The following RRH variants were observed in gnomAD, a reference collection of about 807,000 sequenced individuals.
RRH encodes visual pigment-like receptor peropsin.
RRH carries 36 observed loss-of-function variants against 33.1 expected under a neutral mutation model. The observed-to-expected ratio is 1.09, with a 90% CI of 0.83 to 1.44. The LOEUF (loss-of-function observed/expected upper bound fraction) is 1.44, where lower values mean the gene tolerates loss of function less well. Ranked by LOEUF, RRH falls within the 40% of genes most tolerant of loss-of-function variation. The pLI, the probability that RRH is intolerant of heterozygous loss-of-function variation, is 0.00. For synonymous variants in RRH, 124 were observed against 140.2 expected (o/e 0.88, Z 0.82); for missense variants, 393 against 420.2 (o/e 0.94, Z 0.57).
intron 1 of RRH, 105 bp downstream of exon 1, chr4:109,828,238 C>A (rs1012486659): frequency 5.4e-6 from 4 of 741,258 alleles, no homozygotes; most frequent in East Asian, 2.7e-5. Context: ...ATTGGCCAAC[C>A]TTGACAAGTC....
At chr4:109,829,514 T>C (rs888873620) in intron 1 of RRH, among the ~76,000 whole-genome samples, 4 of 152,104 alleles carry the variant, frequency 2.6e-5, no homozygotes, top group South Asian at 4.1e-4. Context: ...TTCTTATCTC[T>C]GTAACAGTAA....
At chr4:109,834,369 G>A (rs1247263723) in intron 2 of RRH, among the ~76,000 whole-genome samples, 1 of 138,586 alleles carries the variant, frequency 7.2e-6, no homozygotes, top group African/African-American at 2.7e-5. Context: ...ACGCTCCGTT[G>A]CCCAGGCTGG....
chr4:109,833,417 T>C (rs535729502), intron 2 of RRH, 88 bp downstream of exon 2: 3 of 1,041,400 alleles, frequency 2.9e-6, no homozygotes, highest in East Asian at 2.6e-5. Context: ...AGAGTTTAAA[T>C]TGAATATTGT....
intron 2 of RRH, 99 bp from the exon 3 acceptor site, chr4:109,835,267 C>T: frequency 2.6e-6 from 2 of 769,978 alleles, no homozygotes; most frequent in South Asian, 2.9e-5. Flanking sequence ...AGTAAAAAAC[C>T]TTTAGTATAT....
At chr4:109,829,708 A>G (rs1733709261) in intron 1 of RRH, among the ~76,000 whole-genome samples, 1 of 152,154 alleles carries the variant, frequency 6.6e-6, no homozygotes, top group African/African-American at 2.4e-5. Context: ...CTTGTCCAGC[A>G]CACACATTTA....
intron 3 of RRH, 128 bp downstream of exon 3, chr4:109,835,593 T>C (rs1733864791): frequency 1.3e-6 from 1 of 758,400 alleles, no homozygotes; most frequent in African/African-American, 1.7e-5. Flanking sequence ...CTGCCAATAA[T>C]TGTTCAAATG....
chr4:109,839,610 C>T (rs1733949461), intron 5 of RRH, among the ~76,000 whole-genome samples: 1 of 152,122 alleles, frequency 6.6e-6, no homozygotes, highest in Non-Finnish European at 1.5e-5. Flanking sequence ...TCTCCCTCCT[C>T]CCTCCCTCTA....
At position 109,833,325 on chromosome 4, in the gene RRH, G is replaced by T; in HGVS notation, c.293G>T (p.Cys98Phe). 1 of 1,613,640 alleles carries T rather than the reference G, an allele frequency of 6.2e-7. No homozygotes were observed. ...AGTTGGAAATTTGGATACGCAGGCT[G>T]TCAGGTATTGGAGATCATTGGAATG... ...YGSWKFGYAG[C>F]QVYAGLNIFF... The change falls in exon 2 of 7, where the codon TGT (cysteine) becomes TTT (phenylalanine). Residue 98 changes from cysteine (C) to phenylalanine (F), a missense_variant. Cys to Phe is a radical substitution (Grantham distance 205). Coordinates refer to ENST00000317735, the MANE Select transcript of RRH (RefSeq NM_006583.5).
intron 1 of RRH, 121 bp downstream of exon 1, chr4:109,828,254 T>C: frequency 2.9e-6 from 2 of 686,720 alleles, no homozygotes; most frequent in Non-Finnish European, 5.3e-6. Context: ...AAGTCATTTA[T>C]CCTGACTTGG....
At chr4:109,839,368 C>T (rs1347018532) in intron 5 of RRH, among the ~76,000 whole-genome samples, 1 of 152,194 alleles carries the variant, frequency 6.6e-6, no homozygotes, top group East Asian at 1.9e-4. Context: ...TCCCCCTGTT[C>T]CCAGCCTGAT....
intron 4 of RRH, among the ~76,000 whole-genome samples, chr4:109,837,151 A>T (rs1322209793): frequency 6.6e-6 from 1 of 152,072 alleles, no homozygotes; most frequent in African/African-American, 2.4e-5. Flanking sequence ...CAGCTCTTCA[A>T]CTCTGTCATC....
At chr4:109,828,285 G>A (rs981852942) in intron 1 of RRH, 152 bp downstream of exon 1, 23 of 624,054 alleles carry the variant, frequency 3.7e-5, no homozygotes, top group Non-Finnish European at 5.9e-5. Flanking sequence ...GGTAAATGAG[G>A]ATGATGATAC....
chr4:109,833,034 AATAG>A (rs1361040753), intron 1 of RRH, 101 bp from the exon 2 acceptor site: 4 of 902,348 alleles, frequency 4.4e-6, no homozygotes, highest in Non-Finnish European at 7.2e-6. Flanking sequence ...AATGAACTAA[AATAG>A]ATCTGTTATG....
intron 5 of RRH, among the ~76,000 whole-genome samples, chr4:109,839,926 C>T (rs1733955344): frequency 6.6e-6 from 1 of 152,168 alleles, no homozygotes; most frequent in Non-Finnish European, 1.5e-5. Context: ...CTGCAATAAA[C>T]ATACATGTGC....
At chr4:109,829,978 G>A (rs1262250504) in intron 1 of RRH, among the ~76,000 whole-genome samples, 1 of 152,098 alleles carries the variant, frequency 6.6e-6, no homozygotes, top group Non-Finnish European at 1.5e-5. Flanking sequence ...AAAACTATGA[G>A]GAAAGGGTGT....
chr4:109,838,232 A>G (rs1733925760), intron 5 of RRH, among the ~76,000 whole-genome samples: 1 of 151,968 alleles, frequency 6.6e-6, no homozygotes, highest in Non-Finnish European at 1.5e-5. Flanking sequence ...CTCTCTCCTT[A>G]CCTGTCAGTA....
At chr4:109,831,567 A>T (rs1401307504) in intron 1 of RRH, among the ~76,000 whole-genome samples, 3 of 152,160 alleles carry the variant, frequency 2.0e-5, no homozygotes, top group Admixed American at 6.5e-5. Context: ...TGTGGGTAGG[A>T]TAAGGCTTAG....
intron 1 of RRH, among the ~76,000 whole-genome samples, chr4:109,828,938 ATTGT>A (rs1184835519): frequency 6.6e-6 from 1 of 152,008 alleles, no homozygotes; most frequent in Non-Finnish European, 1.5e-5. Context: ...GATGTAAAGG[ATTGT>A]TTGCAGAAAA....
Position 109,836,004 on chromosome 4 carries a change from T to A in RRH, c.398-3T>A. 6.2e-7 allele frequency: 1 copy of A among 1,614,158 alleles called. No homozygotes were observed. Among genetic ancestry groups the A allele is most frequent in the South Asian group, 1.1e-5 (1 of 91,074 alleles). On this transcript the variant is annotated splice_region_variant and splice_polypyrimidine_tract_variant and intron_variant, in intron 3 of 6. Transcript: ENST00000317735. ...TGCTAATATTTCCTGTGCTTGATAA[T>A]AGGGAGAAGAATGACCACCAACACT...
Sources: allele counts gnomAD v4.1 joint callset (sites outside exome capture counted in the v4.1 genomes callset), GRCh38; gene constraint gnomAD v4.1.1; transcripts MANE v1.5; gene names NCBI Gene and HGNC (gene_info 2026-07-23, HGNC 2026-07-21).